WDR45B: variants seen among roughly 807,000 people sequenced by gnomAD.
The protein encoded by WDR45B is WD repeat domain 45B.
In WDR45B, 20 loss-of-function variants were observed where a neutral mutation model predicts 44.6. The observed-to-expected ratio is 0.45, with a 90% CI of 0.32 to 0.65. WDR45B has a LOEUF of 0.65. WDR45B is among the 30% of genes least tolerant of loss of function. WDR45B has a pLI of 0.05. For synonymous variants in WDR45B, 169 were observed against 164.9 expected (o/e 1.02, Z -0.19); for missense variants, 323 against 430.2 (o/e 0.75, Z 2.20).
Position 82,648,361 on chromosome 17 carries a change from C to T in WDR45B, c.-21G>A. ...TTCATGGCGCCGCCGTGCTGGGTCG[C>T]CGCTCCTCAGCGCTGCATGCCTCTC... On this transcript the variant is annotated 5_prime_UTR_variant, in exon 1 of 10. Transcript: ENST00000392325. 4 of 1,603,422 alleles carry T rather than the reference C, an allele frequency of 2.5e-6. No individual in the cohort carries two copies. The highest frequency in any genetic ancestry group is 3.4e-6 in the Non-Finnish European group (4 of 1,176,732).
At chr17:82,631,677 C>A in intron 2 of WDR45B, among the ~76,000 whole-genome samples, 1 of 150,244 alleles carries the variant, frequency 6.7e-6, no homozygotes, top group Non-Finnish European at 1.5e-5. Context: ...GCTAGGTTTC[C>A]AAATTCTCTC....
intron 7 of WDR45B, among the ~76,000 whole-genome samples, chr17:82,618,004 C>T (rs1006506796): frequency 3.9e-5 from 6 of 152,020 alleles, no homozygotes; most frequent in Admixed American, 3.9e-4. Context: ...CCTTGGCTCA[C>T]TGCAACCTCC....
Position 82,616,041 on chromosome 17 carries a change from ACC to A in WDR45B, c.929-18_929-17del, listed in dbSNP as rs1340232503. ...GCACAAATTGCTGGGATAGAAGGAG[ACC>A]ATTTTACCTGTGTGTTTCTTTCCCT... On this transcript the variant is annotated splice_polypyrimidine_tract_variant and intron_variant, in intron 9 of 9. Transcript: ENST00000392325. The A allele has an allele frequency of 1.9e-6, 3 of 1,607,010 alleles. No individual in the cohort carries two copies. The East Asian group carries it at 6.7e-5, about 36-fold the overall frequency.
chr17:82,631,170 T>C (rs572677019), intron 2 of WDR45B, 148 bp from the exon 3 acceptor site: 47 of 729,486 alleles, frequency 6.4e-5, no homozygotes, highest in Admixed American at 4.5e-4. Context: ...CAGGCTGGAA[T>C]GCAGTAGCTA....
chr17:82,637,561 C>G (rs2045849331), intron 2 of WDR45B, among the ~76,000 whole-genome samples: 1 of 152,010 alleles, frequency 6.6e-6, no homozygotes, highest in South Asian at 2.1e-4. Flanking sequence ...ACACCAGTCA[C>G]AAGTTAGAAC....
At chr17:82,636,525 A>C (rs2045835058) in intron 2 of WDR45B, 1 of 151,942 alleles carries the variant, frequency 6.6e-6, no homozygotes, top group Non-Finnish European at 1.5e-5. Flanking sequence ...CTGCAGCTGA[A>C]GAGGGGGAAA....
At position 82,621,794 on chromosome 17, in the gene WDR45B, A is replaced by G; in HGVS notation, c.433T>C (p.Cys145Arg). Residue 145 changes from cysteine to arginine, a missense_variant, in exon 6 of 10, where the codon TGT becomes CGT. By Grantham distance (180) the Cys-to-Arg change is radical. Coordinates refer to ENST00000392325, the MANE Select transcript of WDR45B (RefSeq NM_019613.4). ...FETCYNPKGL[C>R]VLCPNSNNSL... ...TTGTTACTATTGGGACAAAGGACAC[A>G]GAGGCCTGCGTGGAGACAGAGGACA... 6.2e-7 allele frequency: 1 copy of G among 1,614,168 alleles called. No homozygotes were observed. The highest frequency in any genetic ancestry group is 8.5e-7 in the Non-Finnish European group (1 of 1,180,036).
Position 82,621,612 on chromosome 17 carries a change from C to T in WDR45B, c.615G>A (p.Glu205=), listed in dbSNP as rs540655566. 1.9e-6 allele frequency: 3 copies of T among 1,614,186 alleles called. No homozygotes were observed. Among genetic ancestry groups the T allele is most frequent in the East Asian group, 4.5e-5 (2 of 44,888 alleles). The change falls in exon 6 of 10, where the codon GAG becomes GAA. Residue 205 remains glutamate (E), a synonymous_variant. Coordinates refer to ENST00000392325, the MANE Select transcript of WDR45B (RefSeq NM_019613.4). ...LQGTRIATAS[E]KGTLIRIFDT... ...ACAAGGTGAGTGGCACACTTACTTTCTCGGATGCAGTTGCAATTCTTGTTC... is the reference window on the plus strand; with the variant it reads ...ACAAGGTGAGTGGCACACTTACTTTTTCGGATGCAGTTGCAATTCTTGTTC...
chr17:82,643,910 G>C, intron 2 of WDR45B, 39 bp downstream of exon 2: 1 of 1,602,660 alleles, frequency 6.2e-7, no homozygotes, highest in Non-Finnish European at 8.5e-7. Context: ...CCGAGGGTTG[G>C]AAAGGGGAGA....
At chr17:82,626,447 T>C (rs1206516200) in intron 4 of WDR45B, among the ~76,000 whole-genome samples, 1 of 146,202 alleles carries the variant, frequency 6.8e-6, no homozygotes, top group Non-Finnish European at 1.5e-5. Context: ...AGGCAGGAAT[T>C]GCTTGAACCC....
intron 2 of WDR45B, among the ~76,000 whole-genome samples, chr17:82,631,574 T>C (rs74516440): frequency 0.09 from 3,869 of 42,950 alleles, no homozygotes; most frequent in African/African-American, 0.19. Context: ...CATGAGCCAC[T>C]GTGCCCGGCC....
intron 2 of WDR45B, among the ~76,000 whole-genome samples, chr17:82,640,333 C>T (rs1001235209): frequency 6.6e-6 from 1 of 151,724 alleles, no homozygotes; most frequent in Non-Finnish European, 1.5e-5. Context: ...TCTGGTGCTG[C>T]TCTTCACTGG....
intron 3 of WDR45B, among the ~76,000 whole-genome samples, chr17:82,628,284 C>A (rs1161566251): frequency 1.3e-5 from 2 of 152,246 alleles, no homozygotes; most frequent in African/African-American, 4.8e-5. Context: ...TGAGCCACTG[C>A]ACCCAGCCCC....
chr17:82,641,158 G>A (rs991612147), intron 2 of WDR45B, among the ~76,000 whole-genome samples: 1 of 151,910 alleles, frequency 6.6e-6, no homozygotes, highest in Non-Finnish European at 1.5e-5. Flanking sequence ...GTAGAGATGG[G>A]GTTTCACCGT....
At position 82,627,199 on chromosome 17, in the gene WDR45B, C is replaced by T; in HGVS notation, c.332+5G>A. 1 of 1,611,560 alleles carries T rather than the reference C, an allele frequency of 6.2e-7. No individual in the cohort carries two copies. ...ACTTTAAAAAATTACTGACACCAAACCCACCTATCTCGCCGCAGCTTGACT... is the reference window on the plus strand; with the variant it reads ...ACTTTAAAAAATTACTGACACCAAATCCACCTATCTCGCCGCAGCTTGACT... On this transcript the variant is annotated splice_donor_5th_base_variant and intron_variant, in intron 4 of 9. Coordinates refer to ENST00000392325, the MANE Select transcript of WDR45B (RefSeq NM_019613.4).
chr17:82,646,513 C>CAAAA (rs1491582349), intron 1 of WDR45B, among the ~76,000 whole-genome samples: 3 of 27,080 alleles, frequency 1.1e-4, no homozygotes, highest in African/African-American at 1.9e-4. Flanking sequence ...AAAAAAAAAA[C>CAAAA]CCAAAACAAA....
chr17:82,635,632 A>G (rs1375957350), intron 2 of WDR45B, among the ~76,000 whole-genome samples: 2 of 151,714 alleles, frequency 1.3e-5, no homozygotes, highest in Non-Finnish European at 2.9e-5. Context: ...CATGTTGGCC[A>G]GGCTGGTCTC....
chr17:82,635,352 C>T (rs1486749882), intron 2 of WDR45B, among the ~76,000 whole-genome samples: 1 of 151,148 alleles, frequency 6.6e-6, no homozygotes, highest in Non-Finnish European at 1.5e-5. Context: ...AATGTTTAGC[C>T]CTTTTATAAA....
intron 1 of WDR45B, among the ~76,000 whole-genome samples, chr17:82,645,464 TAAAC>T (rs1191499027): frequency 1.7e-4 from 26 of 151,404 alleles, no homozygotes; most frequent in Admixed American, 1.6e-3. Context: ...AAAATGCAAA[TAAAC>T]AACAGAGAGA....
Sources: allele counts gnomAD v4.1 joint callset (sites outside exome capture counted in the v4.1 genomes callset), GRCh38; gene constraint gnomAD v4.1.1; transcripts MANE v1.5; gene names NCBI Gene and HGNC (gene_info 2026-07-23, HGNC 2026-07-21).